The following MDGA2 variants were observed in gnomAD, a reference collection of about 807,000 sequenced individuals.
The protein encoded by MDGA2 is MAM domain containing glycosylphosphatidylinositol anchor 2, also known as MAM domain-containing glycosylphosphatidylinositol anchor protein 2.
Under a neutral mutation model 117.8 loss-of-function variants are expected in MDGA2, and 40 were observed. The ratio of observed to expected loss-of-function variants is 0.34; its 90% CI spans 0.26 to 0.44. The LOEUF (loss-of-function observed/expected upper bound fraction) is 0.44, where lower values mean the gene tolerates loss of function less well. MDGA2 is among the 20% of genes least tolerant of loss of function. MDGA2 has a pLI of 1.00. For synonymous variants in MDGA2, 452 were observed against 439.0 expected, an observed-to-expected ratio of 1.03 and a Z score of -0.37; for missense variants, 1,123 against 1,250.6, an observed-to-expected ratio of 0.90 and a Z score of 1.54.
At chr14:47,460,883 A>G (rs906253861) in intron 1 of MDGA2, among the ~76,000 whole-genome samples, 1 of 152,238 alleles carries the variant, frequency 6.6e-6, no homozygotes, top group Non-Finnish European at 1.5e-5. Context: ...CTGAGAGCAT[A>G]TATTAATGTT....
intron 1 of MDGA2, among the ~76,000 whole-genome samples, chr14:47,671,984 G>A (rs912345388): frequency 1.3e-4 from 20 of 152,268 alleles, no homozygotes; most frequent in Middle Eastern, 3.4e-3. Context: ...AGTGTCCACT[G>A]TAATCATCAC....
chr14:47,043,793 C>T (rs1342646270), intron 7 of MDGA2, among the ~76,000 whole-genome samples: 1 of 152,102 alleles, frequency 6.6e-6, no homozygotes, highest in Non-Finnish European at 1.5e-5. Context: ...CCCATTGCCT[C>T]ACCTTCCTTC....
At chr14:47,459,216 G>A (rs1385283603) in intron 1 of MDGA2, among the ~76,000 whole-genome samples, 2 of 151,842 alleles carry the variant, frequency 1.3e-5, no homozygotes, top group Non-Finnish European at 2.9e-5. Context: ...AAAGGAAAAC[G>A]ACTCTTACTT....
chr14:46,913,299 T>A (rs1883775305), intron 10 of MDGA2, among the ~76,000 whole-genome samples: 1 of 152,162 alleles, frequency 6.6e-6, no homozygotes, highest in Non-Finnish European at 1.5e-5. Flanking sequence ...ATTATAAGAT[T>A]AATCTATGCA....
chr14:47,125,106 ATG>A (rs1881834908), intron 5 of MDGA2, among the ~76,000 whole-genome samples: 1 of 152,132 alleles, frequency 6.6e-6, no homozygotes, highest in Admixed American at 6.6e-5. Flanking sequence ...TCTAGATGCT[ATG>A]AAGATCATCT....
chr14:47,335,745 T>TATATATATACACATAC lies in MDGA2; in HGVS notation c.281-34196_281-34195insGTATGTGTATATATAT. Among the ~76,000 whole-genome samples, 126 of 95,584 alleles carry TATATATATACACATAC rather than the reference T, an allele frequency of 1.3e-3. 11 individuals are homozygous for TATATATATACACATAC. The highest frequency in any genetic ancestry group is 5.1e-3 in the East Asian group (7 of 1,382). 62.7% of individuals were successfully genotyped at this position (95,584 alleles called of 152,430 possible). On this transcript the variant is annotated intron_variant, in intron 1 of 16. Coordinates refer to ENST00000399232, the MANE Select transcript of MDGA2 (RefSeq NM_001113498.3). ...TGCACACATATATTTTATATATATA[T>TATATATATACACATAC]ATACATACATACATACAGGATCACT...
intron 7 of MDGA2, chr14:47,058,671 T>C: frequency 1.0e-6 from 1 of 985,296 alleles, no homozygotes; most frequent in African/African-American, 1.7e-5. Context: ...CTCAGATTTA[T>C]AGAACTTTAT....
chr14:47,451,099 ACTC>A (rs1351079131), intron 1 of MDGA2, among the ~76,000 whole-genome samples: 1 of 151,918 alleles, frequency 6.6e-6, no homozygotes, highest in African/African-American at 2.4e-5. Flanking sequence ...CAACCCTCTG[ACTC>A]CTCCTTCATA....
At chr14:47,654,183 T>G (rs1256804179) in intron 1 of MDGA2, among the ~76,000 whole-genome samples, 8 of 152,142 alleles carry the variant, frequency 5.3e-5, no homozygotes, top group Non-Finnish European at 1.5e-5. Flanking sequence ...AAGCTCTAGA[T>G]ATGGTTGAAT....
intron 9 of MDGA2, among the ~76,000 whole-genome samples, chr14:46,935,508 A>G (rs1022900919): frequency 2.0e-5 from 3 of 152,196 alleles, no homozygotes; most frequent in Admixed American, 2.0e-4. Flanking sequence ...TTATAAGCCA[A>G]TATGTAAAAT....
intron 1 of MDGA2, among the ~76,000 whole-genome samples, chr14:47,590,078 G>C (rs1289287427): frequency 6.6e-6 from 1 of 151,872 alleles, no homozygotes; most frequent in African/African-American, 2.4e-5. Flanking sequence ...ATTTGTGTGT[G>C]TGTGCGTGTG....
intron 2 of MDGA2, among the ~76,000 whole-genome samples, chr14:47,254,250 TC>T (rs1887545157): frequency 6.6e-6 from 1 of 152,232 alleles, no homozygotes; most frequent in Non-Finnish European, 1.5e-5. Context: ...GGCTTGAATT[TC>T]TCCTCAGAAA....
chr14:46,958,989 T>C lies in MDGA2; in HGVS notation c.1820-1346A>G, dbSNP rs184732027. Among the ~76,000 whole-genome samples the C allele has an allele frequency of 5.4e-3, 827 of 152,304 alleles. 8 individuals carry two copies. Among genetic ancestry groups the C allele is most frequent in the African/African-American group, 0.015 (609 of 41,568 alleles). Reference sequence around the variant, plus strand: ...CGAGGAGTTGTCCAAATCATCTATATGGTTGTTTATTCATTTATTTTTTGC... The same window carrying C: ...CGAGGAGTTGTCCAAATCATCTATACGGTTGTTTATTCATTTATTTTTTGC... On this transcript the variant is annotated intron_variant, in intron 8 of 16. Coordinates refer to ENST00000399232, the MANE Select transcript of MDGA2 (RefSeq NM_001113498.3).
chr14:47,315,514 A>C (rs2139856365), intron 1 of MDGA2, among the ~76,000 whole-genome samples: 1 of 152,228 alleles, frequency 6.6e-6, no homozygotes, highest in Middle Eastern at 3.4e-3. Context: ...GAGCATAACA[A>C]GTATTTGTCA....
chr14:47,565,623 GCCA>G (rs1566518344), intron 1 of MDGA2, among the ~76,000 whole-genome samples: 1 of 152,164 alleles, frequency 6.6e-6, no homozygotes, highest in East Asian at 1.9e-4. Flanking sequence ...TGCTTCTTGT[GCCA>G]CCAGTTGTGG....
intron 1 of MDGA2, among the ~76,000 whole-genome samples, chr14:47,389,162 T>C (rs1594832002): frequency 7.0e-6 from 1 of 143,274 alleles, no homozygotes; most frequent in Non-Finnish European, 1.5e-5. Flanking sequence ...TTCAAATACA[T>C]CCAGCACAGT....
At chr14:47,649,122 T>C (rs1157396310) in intron 1 of MDGA2, among the ~76,000 whole-genome samples, 1 of 152,186 alleles carries the variant, frequency 6.6e-6, no homozygotes, top group Admixed American at 6.5e-5. Context: ...ATTATTTCCA[T>C]AGTCATAGTG....
In MDGA2 at chr14:47,018,657, T is replaced by G. The variant is rs1469447413; in HGVS notation, c.1819+16354A>C. ...CAAGAGATTCACAGGAGACTTGGAGTTTCCAGAAATTCTCAGAAATATTAG... is the reference window on the plus strand; with the variant it reads ...CAAGAGATTCACAGGAGACTTGGAGGTTCCAGAAATTCTCAGAAATATTAG... On this transcript the variant is annotated intron_variant, in intron 8 of 16. Transcript: ENST00000399232. Among the ~76,000 whole-genome samples, 9 of 128,398 alleles carry G rather than the reference T, an allele frequency of 7.0e-5. No homozygotes were observed. The South Asian group carries it at 1.9e-3, about 28-fold the overall frequency. The allele number at this position is 128,398 out of a possible 152,430, so 84.2% of individuals were successfully genotyped here. A position where few individuals can be genotyped will look rare whatever the true frequency, so the allele number is the denominator to read the frequency against.
At chr14:47,051,187 A>T (rs1295478997) in intron 7 of MDGA2, among the ~76,000 whole-genome samples, 1 of 151,930 alleles carries the variant, frequency 6.6e-6, no homozygotes, top group African/African-American at 2.4e-5. Flanking sequence ...GTGGAAGTGA[A>T]CACAGTATAT....
Sources: allele counts gnomAD v4.1 joint callset (sites outside exome capture counted in the v4.1 genomes callset), GRCh38; gene constraint gnomAD v4.1.1; transcripts MANE v1.5; gene names NCBI Gene and HGNC (gene_info 2026-07-23, HGNC 2026-07-21).